SLC4A5: variants seen among roughly 807,000 people sequenced by gnomAD.
The protein encoded by SLC4A5 is solute carrier family 4 member 5.
Under a neutral mutation model 120.4 loss-of-function variants are expected in SLC4A5, and 96 were observed. The ratio of observed to expected loss-of-function variants is 0.80; its 90% CI spans 0.68 to 0.94. The LOEUF (loss-of-function observed/expected upper bound fraction) is 0.94. Among genes scored for constraint, SLC4A5 ranks in the 40% least tolerant of loss-of-function variants. The pLI is 0.00. For synonymous variants in SLC4A5, 550 were observed against 571.1 expected, an observed-to-expected ratio of 0.96 and a Z score of 0.53; for missense variants, 1,259 against 1,459.5, an observed-to-expected ratio of 0.86 and a Z score of 2.24.
rs55689286 is a variant in SLC4A5 at position 74,229,104 on chromosome 2, C to CTTTTTTTT, written c.2848-1234_2848-1227dup. Among the ~76,000 whole-genome samples the CTTTTTTTT allele has an allele frequency of 1.1e-3, 104 of 98,584 alleles. 47 individuals carry two copies. Among genetic ancestry groups the CTTTTTTTT allele is most frequent in the East Asian group, 7.2e-3 (17 of 2,376 alleles). 64.7% of individuals were successfully genotyped at this position (98,584 alleles called of 152,430 possible). On this transcript the variant is annotated intron_variant, in intron 25 of 30. Transcript: ENST00000394019. ...AAAGAAGTCTGTTCTTAGATTTGAG[C>CTTTTTTTT]TTTTTTTTTTTTCTTGAGACAGAGT...
intron 16 of SLC4A5, among the ~76,000 whole-genome samples, chr2:74,251,255 G>C (rs1471163325): frequency 2.6e-5 from 4 of 151,918 alleles, no homozygotes; most frequent in Non-Finnish European, 5.9e-5. Flanking sequence ...AATTCCCTGG[G>C]CTCGGGGGTA....
chr2:74,314,921 A>G (rs114314465), intron 6 of SLC4A5, 24 bp downstream of exon 6: 21 of 1,606,642 alleles, frequency 1.3e-5, no homozygotes, highest in Admixed American at 1.7e-5. Context: ...TGAGATTTGC[A>G]TCAAGTCCTC....
chr2:74,319,405 G>A (rs980463238), intron 5 of SLC4A5: 2 of 152,038 alleles, frequency 1.3e-5, no homozygotes, highest in East Asian at 1.9e-4. Context: ...GCTGGTGCTC[G>A]CTTTAGTAGC....
chr2:74,232,853 A>G (rs2103915496), intron 23 of SLC4A5, among the ~76,000 whole-genome samples: 1 of 152,304 alleles, frequency 6.6e-6, no homozygotes, highest in African/African-American at 2.4e-5. Flanking sequence ...TATGGGTCAT[A>G]GAAGAGAGGG....
At chr2:74,219,780 A>T (rs2103860065) in intron 30 of SLC4A5, among the ~76,000 whole-genome samples, 1 of 152,324 alleles carries the variant, frequency 6.6e-6, no homozygotes, top group South Asian at 2.1e-4. Context: ...ACCGGTGTAT[A>T]CTAATGTATA....
chr2:74,263,002 A>C (rs548688288), intron 10 of SLC4A5, among the ~76,000 whole-genome samples: 10 of 152,200 alleles, frequency 6.6e-5, no homozygotes, highest in Non-Finnish European at 1.5e-4. Flanking sequence ...CTGAGTATGT[A>C]TCTGTTGCTA....
chr2:74,219,197 GTGTGTGTGTGTGTGTGTGTGTGTT>G (rs1221874729), intron 30 of SLC4A5, among the ~76,000 whole-genome samples: 100 of 123,980 alleles, frequency 8.1e-4, no homozygotes, highest in African/African-American at 2.7e-3. Flanking sequence ...GTGTGTGTGT[GTGTGTGTGTGTGTGTGTGTGTGTT>G]TGTGTGTGTT....
chr2:74,265,018 A>G lies in SLC4A5; in HGVS notation c.562+86T>C, dbSNP rs1671258928. 1.2e-5 allele frequency: 17 copies of G among 1,448,186 alleles called. 1 individual carries two copies. The highest frequency in any genetic ancestry group is 1.5e-5 in the Non-Finnish European group (16 of 1,071,092). The allele number at this position is 1,448,186 out of a possible 1,614,324, so 89.7% of individuals were successfully genotyped here. ...AGGTGTCAGAGACGGGCCGTCACACAGACTTGAGGGCAGGCATGAGGTCAG... is the reference window on the plus strand; with the variant it reads ...AGGTGTCAGAGACGGGCCGTCACACGGACTTGAGGGCAGGCATGAGGTCAG... On this transcript the variant is annotated intron_variant, in intron 9 of 30. Coordinates refer to ENST00000394019, the Ensembl canonical transcript of SLC4A5.
chr2:74,241,995 A>G, exon 20 of SLC4A5: 1 of 1,603,640 alleles, frequency 6.2e-7, no homozygotes, highest in South Asian at 1.1e-5. Flanking sequence ...AGGACTTACC[A>G]GAGAAGCGTT....
chr2:74,261,050 A>G (rs1236700651), intron 11 of SLC4A5, among the ~76,000 whole-genome samples: 1 of 152,072 alleles, frequency 6.6e-6, no homozygotes, highest in East Asian at 1.9e-4. Context: ...TTATGCTCCA[A>G]GACTCAGTCA....
At chr2:74,251,513 A>T (rs1314667647) in intron 16 of SLC4A5, among the ~76,000 whole-genome samples, 1 of 152,250 alleles carries the variant, frequency 6.6e-6, no homozygotes, top group Non-Finnish European at 1.5e-5. Flanking sequence ...AGTTTTAAAA[A>T]AGGTACTGTT....
intron 20 of SLC4A5, 51 bp downstream of exon 20, chr2:74,241,943 C>T (rs1166992638): frequency 6.4e-7 from 1 of 1,558,358 alleles, no homozygotes; most frequent in South Asian, 1.1e-5. Flanking sequence ...TTTCTCCCTC[C>T]TCCTACAAAC....
In SLC4A5 at chr2:74,268,604, T is replaced by A. The variant is rs146933827; in HGVS notation, c.402-3340A>T. On this transcript the variant is annotated intron_variant, in intron 8 of 30. Coordinates refer to ENST00000394019, the Ensembl canonical transcript of SLC4A5. ...CTTGGTTCCTGCTCCACAATTTCTT[T>A]AGGATAAACTCTCAGAAGTGGAATT... 7.3e-3 allele frequency among the ~76,000 whole-genome samples: 1,110 copies of A among 152,368 alleles called. 10 individuals are homozygous for A. Among genetic ancestry groups the A allele is most frequent in the African/African-American group, 0.025 (1,051 of 41,576 alleles).
rs552893362 is a variant in SLC4A5 at position 74,270,668 on chromosome 2, G to A, written c.402-5404C>T. Among the ~76,000 whole-genome samples the A allele has an allele frequency of 1.4e-3, 206 of 152,216 alleles. 3 individuals are homozygous for A. Among genetic ancestry groups the A allele is most frequent in the South Asian group, 3.3e-3 (16 of 4,828 alleles). On this transcript the variant is annotated intron_variant, in intron 8 of 30. Coordinates refer to ENST00000394019, the Ensembl canonical transcript of SLC4A5. ...AACCTGGATGACAGAGCGAGACTCC[G>A]TCTCAAAACAAAACAAAACAAAACA...
chr2:74,236,613 T>A (rs898445393), intron 21 of SLC4A5, among the ~76,000 whole-genome samples: 1 of 152,244 alleles, frequency 6.6e-6, no homozygotes, highest in Non-Finnish European at 1.5e-5. Context: ...CTTTATATTA[T>A]CATGATCATA....
intron 6 of SLC4A5, 49 bp from the exon 7 acceptor site, chr2:74,304,729 G>T (rs767220932): frequency 2.6e-6 from 4 of 1,548,258 alleles, no homozygotes; most frequent in Admixed American, 1.9e-5. Flanking sequence ...CTGAAAATTG[G>T]CATTTTTTCA....
intron 7 of SLC4A5, among the ~76,000 whole-genome samples, chr2:74,298,702 T>A (rs117398194): frequency 6.6e-6 from 1 of 152,190 alleles, no homozygotes; most frequent in East Asian, 1.9e-4. Flanking sequence ...CCAAAATATA[T>A]AAGGAACTCA....
At chr2:74,312,229 ATG>A (rs1184650717) in intron 6 of SLC4A5, among the ~76,000 whole-genome samples, 2 of 149,912 alleles carry the variant, frequency 1.3e-5, no homozygotes, top group African/African-American at 5.0e-5. Context: ...ATATCTCTAT[ATG>A]TGTGTGTGTA....
chr2:74,335,483 T>G (rs1673458650), intron 3 of SLC4A5, among the ~76,000 whole-genome samples: 1 of 152,210 alleles, frequency 6.6e-6, no homozygotes, highest in African/African-American at 2.4e-5. Flanking sequence ...CAAAGGACAG[T>G]TCTCTGATCA....
Sources: allele counts gnomAD v4.1 joint callset (sites outside exome capture counted in the v4.1 genomes callset), GRCh38; gene constraint gnomAD v4.1.1; transcripts MANE v1.5; gene names NCBI Gene and HGNC (gene_info 2026-07-23, HGNC 2026-07-21).